ANKRD27: variants seen among roughly 807,000 people sequenced by gnomAD.
ANKRD27 encodes the protein ankyrin repeat domain-containing protein 27.
A neutral mutation model predicts 129.7 loss-of-function variants in ANKRD27; 112 were observed. The observed-to-expected ratio is 0.86, with a 90% CI of 0.74 to 1.01. The LOEUF is 1.01. Ranked by LOEUF, ANKRD27 falls within the 50% of genes least tolerant of loss-of-function variation. The pLI is 0.00. For missense variants in ANKRD27, 1,258 were observed against 1,300.5 expected, an observed-to-expected ratio of 0.97 and a Z score of 0.50; for synonymous variants, 516 against 511.2, an observed-to-expected ratio of 1.01 and a Z score of -0.13.
At chr19:32,614,003 A>G (rs1191007856) in intron 22 of ANKRD27, among the ~76,000 whole-genome samples, 2 of 152,012 alleles carry the variant, frequency 1.3e-5, no homozygotes, top group Non-Finnish European at 2.9e-5. Context: ...CCACTTATGT[A>G]ACGTTTTTGA....
At chr19:32,623,605 A>C (rs971398920) in intron 17 of ANKRD27, among the ~76,000 whole-genome samples, 1 of 150,410 alleles carries the variant, frequency 6.6e-6, no homozygotes, top group Admixed American at 6.7e-5. Context: ...GCTGGAGTAC[A>C]GCAGTGCAAT....
At position 32,657,531 on chromosome 19, in the gene ANKRD27, G is replaced by A. The variant is rs549841801; in HGVS notation, c.102+1383C>T. Reference sequence around the variant, plus strand: ...AATCCCGGCTACTCAGGAGGCCGAGGCAAATCACTTGAACCCGGGAGGCAG... The same window carrying A: ...AATCCCGGCTACTCAGGAGGCCGAGACAAATCACTTGAACCCGGGAGGCAG... On this transcript the variant is annotated intron_variant, in intron 2 of 28. Transcript: ENST00000306065. 3.3e-5 allele frequency among the ~76,000 whole-genome samples: 5 copies of A among 151,790 alleles called. No homozygotes were observed. In the South Asian group the frequency reaches 1.0e-3, roughly 32 times the overall value.
chr19:32,664,971 ATTC>A (rs1412607163), intron 1 of ANKRD27, among the ~76,000 whole-genome samples: 3 of 137,870 alleles, frequency 2.2e-5, no homozygotes, highest in Non-Finnish European at 4.7e-5. Flanking sequence ...ACATTTTTTT[ATTC>A]TTAAGTCTTT....
At chr19:32,610,196 G>C (rs1971813374) in intron 22 of ANKRD27, among the ~76,000 whole-genome samples, 1 of 152,134 alleles carries the variant, frequency 6.6e-6, no homozygotes. Context: ...TGTAGTCCCA[G>C]CTACTCAGGA....
intron 12 of ANKRD27, among the ~76,000 whole-genome samples, chr19:32,635,515 C>T (rs1335923620): frequency 6.6e-6 from 1 of 152,096 alleles, no homozygotes; most frequent in Non-Finnish European, 1.5e-5. Context: ...ATGTTGCCCA[C>T]ACTGGTCTCC....
chr19:32,636,655 A>G lies in ANKRD27; in HGVS notation c.1116+2701T>C, dbSNP rs146946496. On this transcript the variant is annotated intron_variant, in intron 12 of 28. Coordinates refer to ENST00000306065, the MANE Select transcript of ANKRD27 (RefSeq NM_032139.3). Reference sequence around the variant, plus strand: ...GACTGCAAATATTATTTGTAAGCAAATATTAGTCTTCTAATTAGGAAAAAA... The same window carrying G: ...GACTGCAAATATTATTTGTAAGCAAGTATTAGTCTTCTAATTAGGAAAAAA... 7.2e-5 allele frequency among the ~76,000 whole-genome samples: 11 copies of G among 151,856 alleles called. No individual in the cohort carries two copies. The East Asian group carries it at 2.1e-3, about 29-fold the overall frequency.
chr19:32,619,363 G>T lies in ANKRD27; in HGVS notation c.1904C>A (p.Pro635Gln). Residue 635 changes from proline to glutamine, a missense_variant, in exon 20 of 29, where the codon CCG (proline) becomes CAG (glutamine). Physicochemically the swap from Pro to Gln is moderately conservative, Grantham distance 76 (BLOSUM62 -1). Transcript: ENST00000306065. Reference sequence around the variant, plus strand: ...GCTGATGGAGTCCACGGAGCGCTGCGGGGACTGCACAGGGGCCTGCAGCCA... The same window carrying T: ...GCTGATGGAGTCCACGGAGCGCTGCTGGGACTGCACAGGGGCCTGCAGCCA... Reference protein sequence around the residue: ...QKSSEAPVQSPQRSVDSISQE... With the variant: ...QKSSEAPVQSQQRSVDSISQE... 1 of 1,613,674 alleles carries T rather than the reference G, an allele frequency of 6.2e-7. No individual in the cohort carries two copies. The highest frequency in any genetic ancestry group is 8.5e-7 in the Non-Finnish European group (1 of 1,180,010).
chr19:32,618,451 GAAAAAAA>G (rs55674756), intron 20 of ANKRD27, among the ~76,000 whole-genome samples: 2,701 of 100,344 alleles, frequency 0.027, 39 homozygotes, highest in Non-Finnish European at 0.037. Context: ...GTCCCAAAAA[GAAAAAAA>G]AAAAAAAAAA....
chr19:32,616,262 G>A (rs1445548698), intron 21 of ANKRD27, among the ~76,000 whole-genome samples: 2 of 152,122 alleles, frequency 1.3e-5, no homozygotes, highest in Non-Finnish European at 2.9e-5. Context: ...CATTAAAAGT[G>A]GAAGATACGG....
chr19:32,601,928 A>G (rs1205575190), intron 26 of ANKRD27, 87 bp downstream of exon 26: 1 of 809,708 alleles, frequency 1.2e-6, no homozygotes, highest in Non-Finnish European at 2.1e-6. Flanking sequence ...TACACTTTAC[A>G]TATACAATTA....
chr19:32,619,583 C>A (rs773957530), intron 18 of ANKRD27, 30 bp from the exon 19 acceptor site: 4 of 1,613,320 alleles, frequency 2.5e-6, no homozygotes, highest in Non-Finnish European at 3.4e-6. Flanking sequence ...GCCAACAGTA[C>A]CCCGTGAGAT....
chr19:32,628,965 G>C lies in ANKRD27; in HGVS notation c.1210-116C>G, dbSNP rs1599750975. On this transcript the variant is annotated intron_variant, in intron 13 of 28. Coordinates refer to ENST00000306065, the MANE Select transcript of ANKRD27 (RefSeq NM_032139.3). ...AGATGGAGTCTCGTCCTGTCGCCCA[G>C]GCTGGAGTGCAATGGTGTGATCTCA... The C allele has an allele frequency of 5.9e-6, 7 of 1,190,248 alleles. No individual in the cohort carries two copies. In the East Asian group the frequency reaches 1.9e-4, roughly 33 times the overall value. The allele number at this position is 1,190,248 out of a possible 1,614,324, so 73.7% of individuals were successfully genotyped here.
At chr19:32,641,844 T>G (rs1011658326) in intron 10 of ANKRD27, among the ~76,000 whole-genome samples, 180 bp downstream of exon 10, 4 of 149,616 alleles carry the variant, frequency 2.7e-5, no homozygotes, top group African/African-American at 7.4e-5. Flanking sequence ...CATAGCTCAC[T>G]GCAACCTCCA....
Position 32,597,264 on chromosome 19 carries a change from T to TAAAA in ANKRD27, c.*877_*880dup, listed in dbSNP as rs951889395. 3.3e-5 allele frequency: 5 copies of TAAAA among 152,598 alleles called. No individual in the cohort carries two copies. The highest frequency in any genetic ancestry group is 1.2e-4 in the African/African-American group (5 of 41,436). 9.5% of individuals were successfully genotyped at this position (152,598 alleles called of 1,614,324 possible). A position where few individuals can be genotyped will look rare whatever the true frequency, so the allele number is the denominator to read the frequency against. On this transcript the variant is annotated 3_prime_UTR_variant, in exon 29 of 29. Coordinates refer to ENST00000306065, the MANE Select transcript of ANKRD27 (RefSeq NM_032139.3). ...TAACAGTATAATCTATAGAAATTTATAAAAAGGAATAAATGGCAATAAATT... is the reference window on the plus strand; with the variant it reads ...TAACAGTATAATCTATAGAAATTTATAAAAAAAAAGGAATAAATGGCAATAAATT...
intron 10 of ANKRD27, among the ~76,000 whole-genome samples, chr19:32,641,341 T>A (rs1305960255): frequency 6.6e-6 from 1 of 152,066 alleles, no homozygotes; most frequent in Non-Finnish European, 1.5e-5. Context: ...TCACCTAAAG[T>A]CTCTTTCTTC....
intron 1 of ANKRD27, 87 bp downstream of exon 1, chr19:32,674,984 C>T (rs1457800027): frequency 6.6e-6 from 1 of 152,012 alleles, no homozygotes; most frequent in Non-Finnish European, 1.5e-5. Flanking sequence ...CCCTCACTCT[C>T]CGGGCCCCGC....
In ANKRD27 at chr19:32,665,900, TAC is replaced by T. The variant is rs148225168; in HGVS notation, c.-30-6857_-30-6856del. On this transcript the variant is annotated intron_variant, in intron 1 of 28. Coordinates refer to ENST00000306065, the MANE Select transcript of ANKRD27 (RefSeq NM_032139.3). Reference sequence around the variant, plus strand: ...CCTCGGCCTCCCAAGTAGCTCAGACTACAGACTACACGCCACAACACCAGCTA... The same window carrying T: ...CCTCGGCCTCCCAAGTAGCTCAGACTAGACTACACGCCACAACACCAGCTA... 7.2e-3 allele frequency among the ~76,000 whole-genome samples: 1,099 copies of T among 151,652 alleles called. 16 individuals are homozygous for T. Among genetic ancestry groups the T allele is most frequent in the African/African-American group, 0.026 (1,069 of 41,332 alleles).
At chr19:32,625,754 A>C (rs1375668755) in intron 17 of ANKRD27, 120 bp downstream of exon 17, 5 of 886,764 alleles carry the variant, frequency 5.6e-6, no homozygotes, top group Non-Finnish European at 8.0e-6. Flanking sequence ...ATATTAAAAA[A>C]ATTTACACAC....
At chr19:32,612,473 G>A (rs1971849117) in intron 22 of ANKRD27, among the ~76,000 whole-genome samples, 1 of 152,174 alleles carries the variant, frequency 6.6e-6, no homozygotes, top group Non-Finnish European at 1.5e-5. Flanking sequence ...AATTTACATG[G>A]CAAGGCACAG....
Sources: allele counts gnomAD v4.1 joint callset (sites outside exome capture counted in the v4.1 genomes callset), GRCh38; gene constraint gnomAD v4.1.1; transcripts MANE v1.5; gene names NCBI Gene and HGNC (gene_info 2026-07-23, HGNC 2026-07-21).